Variants in NAV2 observed in about 807,000 individuals in gnomAD.
NAV2 encodes neuron navigator 2.
NAV2 carries 54 observed loss-of-function variants against 223.2 expected under a neutral mutation model. That is an observed-to-expected ratio of 0.24 (90% CI 0.19 to 0.30). The LOEUF is 0.30. Ranked by LOEUF, NAV2 falls within the 10% of genes least tolerant of loss-of-function variation. The probability of loss-of-function intolerance (pLI) is 1.00; values close to 1 mark genes in which losing one functional copy is unlikely to be tolerated. For missense variants in NAV2, 2,806 were observed against 3,147.5 expected, an observed-to-expected ratio of 0.89 and a Z score of 2.60; for synonymous variants, 1,279 against 1,239.3, an observed-to-expected ratio of 1.03 and a Z score of -0.67.
intron 1 of NAV2, among the ~76,000 whole-genome samples, chr11:19,363,473 T>A (rs1455663727): frequency 6.6e-6 from 1 of 152,154 alleles, no homozygotes; most frequent in Non-Finnish European, 1.5e-5. Context: ...TTCCCTGATA[T>A]CCCCCAGCTA....
At chr11:19,814,587 G>A (rs1034828586) in intron 1 of NAV2, among the ~76,000 whole-genome samples, 2 of 152,152 alleles carry the variant, frequency 1.3e-5, no homozygotes, top group African/African-American at 4.8e-5. Flanking sequence ...CCTGGTGCCT[G>A]CAGCTGTGTG....
intron 1 of NAV2, among the ~76,000 whole-genome samples, chr11:19,548,108 T>C (rs1306777459): frequency 1.3e-5 from 2 of 152,208 alleles, no homozygotes; most frequent in Non-Finnish European, 2.9e-5. Context: ...TCTTAGTTCG[T>C]AGGATAGGTT....
intron 1 of NAV2, among the ~76,000 whole-genome samples, chr11:19,594,924 T>G (rs536986514): frequency 1.3e-5 from 2 of 152,178 alleles, no homozygotes; most frequent in African/African-American, 4.8e-5. Context: ...TAGTAATAAC[T>G]AACATCTATC....
intron 1 of NAV2, among the ~76,000 whole-genome samples, chr11:19,733,644 G>A (rs909864268): frequency 1.3e-5 from 2 of 152,206 alleles, no homozygotes; most frequent in Non-Finnish European, 1.5e-5. Flanking sequence ...ACTTAAAGGA[G>A]AGAAAGGATT....
Position 19,714,157 on chromosome 11 carries a change from G to A in NAV2, c.267+195G>A. 1.8e-5 allele frequency: 14 copies of A among 795,778 alleles called. No homozygotes were observed. The South Asian group carries it at 2.0e-4, about 12-fold the overall frequency. The allele number at this position is 795,778 out of a possible 1,614,324, so 49.3% of individuals were successfully genotyped here. A position where few individuals can be genotyped will look rare whatever the true frequency, so the allele number is the denominator to read the frequency against. On this transcript the variant is annotated intron_variant, in intron 1 of 37. Transcript: ENST00000349880. ...GCCGGTGGGTGTGGCCCGGGTGCCGGAGGTTTGCCTTAAGAGCTCTTCGAG... is the reference window on the plus strand; with the variant it reads ...GCCGGTGGGTGTGGCCCGGGTGCCGAAGGTTTGCCTTAAGAGCTCTTCGAG...
intron 14 of NAV2, among the ~76,000 whole-genome samples, chr11:20,046,335 CAAAA>C (rs778055012): frequency 3.2e-5 from 3 of 94,928 alleles, no homozygotes; most frequent in African/African-American, 4.0e-5. Context: ...GACTCCATCT[CAAAA>C]AAAAAAAAAA....
intron 1 of NAV2, among the ~76,000 whole-genome samples, chr11:19,810,494 T>C (rs1375885443): frequency 6.6e-6 from 1 of 152,246 alleles, no homozygotes; most frequent in East Asian, 1.9e-4. Flanking sequence ...AACAAGGATA[T>C]GTACACGTAT....
chr11:19,554,020 A>G (rs898116648), intron 1 of NAV2, among the ~76,000 whole-genome samples: 2 of 152,252 alleles, frequency 1.3e-5, no homozygotes, highest in Non-Finnish European at 2.9e-5. Flanking sequence ...AGAAGGGGAC[A>G]GAGCATTTCA....
chr11:19,350,741 C>A (rs1232637421), exon 1 of NAV2: 3 of 575,158 alleles, frequency 5.2e-6, no homozygotes, highest in Non-Finnish European at 9.4e-6. Flanking sequence ...ATGCCGGCAG[C>A]AGTCACCCTC....
chr11:19,588,819 T>C (rs958969321), intron 1 of NAV2, among the ~76,000 whole-genome samples: 1 of 152,198 alleles, frequency 6.6e-6, no homozygotes, highest in Admixed American at 6.5e-5. Context: ...TGGTTTGGAA[T>C]CTTGCTGGGC....
At chr11:19,800,117 T>G (rs894590384) in intron 1 of NAV2, among the ~76,000 whole-genome samples, 1 of 152,220 alleles carries the variant, frequency 6.6e-6, no homozygotes, top group African/African-American at 2.4e-5. Flanking sequence ...GGTTTCACAG[T>G]GCTTCTCCCA....
chr11:19,616,613 G>C (rs572706108), intron 1 of NAV2, among the ~76,000 whole-genome samples: 1 of 151,954 alleles, frequency 6.6e-6, no homozygotes, highest in South Asian at 2.1e-4. Flanking sequence ...CCCCAGGGTT[G>C]CTCCACGTGC....
At chr11:19,422,180 TC>T (rs1162037323) in intron 1 of NAV2, among the ~76,000 whole-genome samples, 4 of 152,140 alleles carry the variant, frequency 2.6e-5, no homozygotes, top group Non-Finnish European at 4.4e-5. Flanking sequence ...TGAGGAGCCA[TC>T]CCTCATGCTG....
intron 1 of NAV2, among the ~76,000 whole-genome samples, chr11:19,378,465 G>A (rs1391175768): frequency 6.6e-6 from 1 of 152,160 alleles, no homozygotes; most frequent in Non-Finnish European, 1.5e-5. Context: ...GGTGCGGGGT[G>A]CACGCACTGA....
chr11:19,828,108 T>C (rs796188061), intron 1 of NAV2, among the ~76,000 whole-genome samples: 8 of 125,378 alleles, frequency 6.4e-5, no homozygotes, highest in East Asian at 2.3e-4. Context: ...GAGCTTTGAT[T>C]ACCCCACTGC....
Position 19,896,652 on chromosome 11 carries a change from G to A in NAV2, c.931+4058G>A, listed in dbSNP as rs116874100. ...TTCATAGGCTTTAATGTGTGACCCCGTTGACCTAAGAATTTCACTCGGAGG... is the reference window on the plus strand; with the variant it reads ...TTCATAGGCTTTAATGTGTGACCCCATTGACCTAAGAATTTCACTCGGAGG... On this transcript the variant is annotated intron_variant, in intron 6 of 37. Transcript: ENST00000349880. Among the ~76,000 whole-genome samples the A allele has an allele frequency of 8.7e-3, 1,324 of 152,252 alleles. 20 individuals are homozygous for A. The highest frequency in any genetic ancestry group is 0.015 in the Non-Finnish European group (996 of 68,032).
chr11:19,809,477 G>A (rs995755367), intron 1 of NAV2, among the ~76,000 whole-genome samples: 1 of 152,118 alleles, frequency 6.6e-6, no homozygotes, highest in Non-Finnish European at 1.5e-5. Flanking sequence ...CAGAAAATTT[G>A]ATAGTACAGA....
chr11:19,430,626 A>T (rs892649068), intron 1 of NAV2, among the ~76,000 whole-genome samples: 2 of 152,196 alleles, frequency 1.3e-5, no homozygotes, highest in Non-Finnish European at 2.9e-5. Context: ...GTTCTCAAGA[A>T]CTTTCTCACT....
intron 1 of NAV2, among the ~76,000 whole-genome samples, chr11:19,665,071 G>A (rs1158878781): frequency 6.6e-6 from 1 of 152,186 alleles, no homozygotes; most frequent in Admixed American, 6.5e-5. Context: ...ATTTCCTGTG[G>A]GGGTTGGAGA....
Sources: allele counts gnomAD v4.1 joint callset (sites outside exome capture counted in the v4.1 genomes callset), GRCh38; gene constraint gnomAD v4.1.1; transcripts MANE v1.5; gene names NCBI Gene and HGNC (gene_info 2026-07-23, HGNC 2026-07-21).